The following CCDC7 variants were observed in gnomAD, a reference collection of about 807,000 sequenced individuals.
CCDC7 encodes the protein coiled-coil domain-containing protein 7.
CCDC7 carries 183 observed loss-of-function variants against 196.9 expected under a neutral mutation model. The observed-to-expected ratio is 0.93, with a 90% confidence interval of 0.82 to 1.05. CCDC7 has a LOEUF of 1.05. Among genes scored for constraint, CCDC7 ranks in the 50% least tolerant of loss-of-function variants. CCDC7 has a pLI of 0.00. For synonymous variants in CCDC7, 525 were observed against 484.6 expected (o/e 1.08, Z -1.10); for missense variants, 1,540 against 1,482.2 (o/e 1.04, Z -0.64).
At chr10:32,568,152 A>G (rs560423025) in intron 15 of CCDC7, among the ~76,000 whole-genome samples, 1 of 151,834 alleles carries the variant, frequency 6.6e-6, no homozygotes, top group Non-Finnish European at 1.5e-5. Flanking sequence ...GATTACAGGC[A>G]TGCGCCACCA....
chr10:32,600,425 C>T (rs1312193406), intron 18 of CCDC7, among the ~76,000 whole-genome samples: 1 of 152,006 alleles, frequency 6.6e-6, no homozygotes, highest in Non-Finnish European at 1.5e-5. Context: ...TGAGACTTTA[C>T]TGAATTCATT....
At chr10:32,662,604 A>G (rs962203321) in intron 20 of CCDC7, among the ~76,000 whole-genome samples, 1 of 152,144 alleles carries the variant, frequency 6.6e-6, no homozygotes, top group Admixed American at 6.6e-5. Flanking sequence ...GAGCAACTAG[A>G]GCCATAGATG....
exon 30 of CCDC7, chr10:32,805,076 G>C: frequency 6.2e-7 from 1 of 1,611,168 alleles, no homozygotes. Context: ...ATGAATTCAA[G>C]ACACAGTCAA....
intron 32 of CCDC7, among the ~76,000 whole-genome samples, chr10:32,828,546 GAAGAAGAAGAAGA>G (rs1565635647): frequency 7.5e-5 from 11 of 147,392 alleles, no homozygotes; most frequent in Non-Finnish European, 1.2e-4. Context: ...AGAAGAAGAA[GAAGAAGAAGAAGA>G]AAGAAGAAGA....
At chr10:32,848,501 C>T in intron 38 of CCDC7, 95 bp from the exon 40 acceptor site, 2 of 922,276 alleles carry the variant, frequency 2.2e-6, no homozygotes, top group Non-Finnish European at 3.2e-6. Flanking sequence ...AGAAAAATTA[C>T]CAAGGCAGAA....
intron 29 of CCDC7, among the ~76,000 whole-genome samples, chr10:32,800,636 A>G (rs2084594201): frequency 6.6e-6 from 1 of 152,190 alleles, no homozygotes; most frequent in African/African-American, 2.4e-5. Context: ...TTACCCTAGT[A>G]AAAGGCTGGA....
In CCDC7 at chr10:32,859,848, C is replaced by T. The variant is rs915896380; in HGVS notation, c.4111+5359C>T. Among the ~76,000 whole-genome samples, 79 of 152,130 alleles carry T rather than the reference C, an allele frequency of 5.2e-4. 3 individuals are homozygous for T. The highest frequency in any genetic ancestry group is 4.4e-5 in the Non-Finnish European group (3 of 68,042). ...TAAATTCCTGTACACATACACCCTC[C>T]CAAGACTAAACCAGGAAGAGGTCGA... On this transcript the variant is annotated intron_variant, in intron 41 of 41. Coordinates refer to ENST00000639629, the Ensembl canonical transcript of CCDC7.
chr10:32,789,555 A>G (rs770274690), intron 29 of CCDC7, among the ~76,000 whole-genome samples: 2 of 149,854 alleles, frequency 1.3e-5, no homozygotes, highest in Non-Finnish European at 2.9e-5. Context: ...AGAAAATAAA[A>G]AAGTAAAAAA....
At chr10:32,603,317 G>C (rs1244179799) in intron 18 of CCDC7, among the ~76,000 whole-genome samples, 1 of 151,956 alleles carries the variant, frequency 6.6e-6, no homozygotes, top group African/African-American at 2.4e-5. Context: ...TTCCATTGTG[G>C]ATATGTACCA....
chr10:32,847,811 G>T, intron 37 of CCDC7, 22 bp from the exon 39 acceptor site: 1 of 1,484,210 alleles, frequency 6.7e-7, no homozygotes, highest in South Asian at 1.2e-5. Flanking sequence ...AAAGTGTTTT[G>T]AAATGTGTTT....
At chr10:32,637,022 G>A (rs564588404) in intron 20 of CCDC7, among the ~76,000 whole-genome samples, 34 of 152,274 alleles carry the variant, frequency 2.2e-4, no homozygotes, top group African/African-American at 8.2e-4. Context: ...CTGCATAAAT[G>A]TCTTCTTTTG....
chr10:32,882,495 A>T (rs956061956), intron 22 of CCDC7, among the ~76,000 whole-genome samples, 198 bp from the exon 44 acceptor site: 2 of 152,184 alleles, frequency 1.3e-5, no homozygotes, highest in African/African-American at 4.8e-5. Context: ...GCTAAAAAGA[A>T]TATTTTAGGA....
chr10:32,749,667 T>C (rs1430131696), intron 28 of CCDC7, among the ~76,000 whole-genome samples: 2 of 152,198 alleles, frequency 1.3e-5, no homozygotes, highest in East Asian at 3.8e-4. Context: ...CTTTCTTTTA[T>C]AGTGAACTAC....
chr10:32,848,238 A>AG (rs1171442400), intron 38 of CCDC7, among the ~76,000 whole-genome samples: 3 of 152,130 alleles, frequency 2.0e-5, no homozygotes, highest in Admixed American at 2.0e-4. Context: ...CAATTGGGGC[A>AG]GGGGGGATCC....
At chr10:32,680,115 A>G (rs1179520559) in intron 21 of CCDC7, among the ~76,000 whole-genome samples, 1 of 152,204 alleles carries the variant, frequency 6.6e-6, no homozygotes, top group African/African-American at 2.4e-5. Flanking sequence ...ATATAATCTC[A>G]AGGAGACTTT....
chr10:32,477,515 T>G (rs893485859), intron 8 of CCDC7, among the ~76,000 whole-genome samples: 10 of 152,144 alleles, frequency 6.6e-5, no homozygotes, highest in Non-Finnish European at 1.0e-4. Flanking sequence ...TTGAGTTAAT[T>G]TTTGTGAGAA....
At chr10:32,607,137 G>A (rs2061635300) in intron 18 of CCDC7, among the ~76,000 whole-genome samples, 2 of 152,098 alleles carry the variant, frequency 1.3e-5, no homozygotes, top group South Asian at 4.2e-4. Flanking sequence ...GACCCATCTT[G>A]CTCCTGCTTT....
chr10:32,729,204 C>T (rs2083549755), intron 27 of CCDC7, 128 bp from the exon 29 acceptor site: 2 of 963,132 alleles, frequency 2.1e-6, no homozygotes, highest in Non-Finnish European at 3.1e-6. Flanking sequence ...TAAGTAGTAT[C>T]ACTGCCTCCA....
intron 24 of CCDC7, among the ~76,000 whole-genome samples, chr10:32,697,890 C>T (rs1048334834): frequency 6.6e-6 from 1 of 152,172 alleles, no homozygotes; most frequent in Non-Finnish European, 1.5e-5. Flanking sequence ...GTCCCTGACC[C>T]CCCAGTAGGC....
Sources: allele counts gnomAD v4.1 joint callset (sites outside exome capture counted in the v4.1 genomes callset), GRCh38; gene constraint gnomAD v4.1.1; transcripts MANE v1.5; gene names NCBI Gene and HGNC (gene_info 2026-07-23, HGNC 2026-07-21).